The following DCUN1D3 variants were observed in gnomAD, a reference collection of about 807,000 sequenced individuals.
DCUN1D3 encodes defective in cullin neddylation 1 domain containing 3, also known as DCN1-like protein 3.
A neutral mutation model predicts 24.8 loss-of-function variants in DCUN1D3; 6 were observed. The observed-to-expected ratio is 0.24, with a 90% confidence interval of 0.13 to 0.48. The LOEUF is 0.48. Among genes scored for constraint, DCUN1D3 ranks in the 20% least tolerant of loss-of-function variants. The pLI, the probability that DCUN1D3 is intolerant of heterozygous loss-of-function variation, is 0.99. For missense variants in DCUN1D3, 258 were observed against 379.4 expected (o/e 0.68, Z 2.66); for synonymous variants, 120 against 144.9 (o/e 0.83, Z 1.24).
Position 20,858,304 on chromosome 16 carries a change from G to A in DCUN1D3, c.*1582C>T, listed in dbSNP as rs561552421. 3.9e-5 allele frequency: 6 copies of A among 152,586 alleles called. No individual in the cohort carries two copies. The highest frequency in any genetic ancestry group is 7.3e-5 in the Non-Finnish European group (5 of 68,048). 9.5% of individuals were successfully genotyped at this position (152,586 alleles called of 1,614,324 possible). A position where few individuals can be genotyped will look rare whatever the true frequency, so the allele number is the denominator to read the frequency against. On this transcript the variant is annotated 3_prime_UTR_variant, in exon 3 of 3. Coordinates refer to ENST00000324344, the MANE Select transcript of DCUN1D3 (RefSeq NM_173475.4). ...CAAAGCTGGCCTTTATGGAGCCAGC[G>A]CGTGGAGAAGTCTGGGGAACCGGGG... is the stretch of plus-strand genomic sequence containing the variant.
In DCUN1D3 at chr16:20,899,419, A is replaced by G. The variant is rs144698554; in HGVS notation, c.-106+785T>C. 8.0e-3 allele frequency among the ~76,000 whole-genome samples: 1,226 copies of G among 152,370 alleles called. 8 individuals are homozygous for G. Among genetic ancestry groups the G allele is most frequent in the Middle Eastern group, 0.024 (7 of 294 alleles). ...AATCGGAGCGTAAGAGGTACTCCCA[A>G]CGTGACAGCCTGTATGAAGTATTAC... is the stretch of plus-strand genomic sequence containing the variant. On this transcript the variant is annotated intron_variant, in intron 1 of 2. Transcript: ENST00000324344.
At chr16:20,863,462 C>T (rs372203163) in intron 1 of DCUN1D3, among the ~76,000 whole-genome samples, 4 of 152,128 alleles carry the variant, frequency 2.6e-5, no homozygotes, top group Middle Eastern at 3.2e-3. Context: ...GGACTGGGGC[C>T]GGTTGCAGTG....
At chr16:20,880,584 GA>G (rs1201088637) in intron 1 of DCUN1D3, among the ~76,000 whole-genome samples, 5 of 102,772 alleles carry the variant, frequency 4.9e-5, no homozygotes, top group South Asian at 7.1e-4. Context: ...CAGCCAGGGT[GA>G]CAGAGTAAGA....
chr16:20,874,337 G>A (rs2081803771), intron 1 of DCUN1D3, among the ~76,000 whole-genome samples: 1 of 152,178 alleles, frequency 6.6e-6, no homozygotes, highest in Non-Finnish European at 1.5e-5. Flanking sequence ...TTAAAAGATG[G>A]TATGACTAAC....
At chr16:20,879,737 C>T (rs2081833594) in intron 1 of DCUN1D3, among the ~76,000 whole-genome samples, 1 of 152,174 alleles carries the variant, frequency 6.6e-6, no homozygotes, top group African/African-American at 2.4e-5. Context: ...TAAAGACCTC[C>T]CCAAAGGATT....
chr16:20,862,309 C>T lies in DCUN1D3; in HGVS notation c.230G>A (p.Arg77Lys). The T allele has an allele frequency of 6.2e-7, 1 of 1,614,232 alleles. No homozygotes were observed. Among genetic ancestry groups the T allele is most frequent in the South Asian group, 1.1e-5 (1 of 91,086 alleles). ...QLPTSSGDAG[R>K]ESKSNAEESS... ...CTCCTCGGCATTGGACTTGGACTCC[C>T]TCCCAGCATCTCCCGAGGACGTTGG... is the stretch of plus-strand genomic sequence containing the variant. Residue 77 changes from arginine (R) to lysine (K), a missense_variant, in exon 2 of 3, where the codon AGG becomes AAG. Transcript: ENST00000324344.
chr16:20,882,682 TG>T (rs1456992274), intron 1 of DCUN1D3, among the ~76,000 whole-genome samples: 2 of 152,228 alleles, frequency 1.3e-5, no homozygotes, highest in Non-Finnish European at 2.9e-5. Flanking sequence ...TAAAAATTAT[TG>T]GAACAAGTAG....
intron 1 of DCUN1D3, among the ~76,000 whole-genome samples, chr16:20,892,609 TG>T: frequency 6.6e-6 from 1 of 152,334 alleles, no homozygotes; most frequent in Non-Finnish European, 1.5e-5. Flanking sequence ...GTTCTGTCCA[TG>T]GATCCACCTG....
At chr16:20,888,061 C>T (rs1029985071) in intron 1 of DCUN1D3, among the ~76,000 whole-genome samples, 4 of 152,128 alleles carry the variant, frequency 2.6e-5, no homozygotes, top group Admixed American at 2.0e-4. Context: ...TCAAATGATA[C>T]ATAACTTGTG....
intron 1 of DCUN1D3, among the ~76,000 whole-genome samples, chr16:20,863,603 G>T (rs2081744735): frequency 6.6e-6 from 1 of 152,116 alleles, no homozygotes; most frequent in African/African-American, 2.4e-5. Flanking sequence ...AAAATTAGTT[G>T]GGTGTGGTGA....
intron 1 of DCUN1D3, among the ~76,000 whole-genome samples, chr16:20,885,157 G>A (rs2081862805): frequency 6.6e-6 from 1 of 151,924 alleles, no homozygotes; most frequent in African/African-American, 2.4e-5. Flanking sequence ...TGTATTTTTA[G>A]TAGAGACATG....
At chr16:20,898,651 A>G (rs1402288447) in intron 1 of DCUN1D3, among the ~76,000 whole-genome samples, 1 of 152,228 alleles carries the variant, frequency 6.6e-6, no homozygotes, top group African/African-American at 2.4e-5. Flanking sequence ...AAAGCCCTGA[A>G]TAGGACTTCC....
intron 1 of DCUN1D3, among the ~76,000 whole-genome samples, chr16:20,880,323 A>G (rs2081836556): frequency 6.6e-6 from 1 of 152,178 alleles, no homozygotes; most frequent in South Asian, 2.1e-4. Flanking sequence ...AACTTGGCAT[A>G]ATGCGAAGGC....
intron 1 of DCUN1D3, among the ~76,000 whole-genome samples, chr16:20,865,069 A>G (rs2152516331): frequency 6.6e-6 from 1 of 152,222 alleles, no homozygotes; most frequent in East Asian, 1.9e-4. Context: ...TGATGAAATA[A>G]TATGTACAAC....
At chr16:20,874,481 AC>A (rs1555497041) in intron 1 of DCUN1D3, among the ~76,000 whole-genome samples, 1 of 152,146 alleles carries the variant, frequency 6.6e-6, no homozygotes, top group Non-Finnish European at 1.5e-5. Context: ...CCAAAGAGGA[AC>A]CCCGTCCCAG....
chr16:20,867,202 T>G (rs1596630614), intron 1 of DCUN1D3, among the ~76,000 whole-genome samples: 1 of 152,252 alleles, frequency 6.6e-6, no homozygotes, highest in East Asian at 1.9e-4. Context: ...CCATGACATT[T>G]ACCCCTAGGC....
Position 20,882,781 on chromosome 16 carries a change from C to T in DCUN1D3, c.-106+17423G>A, listed in dbSNP as rs1305270703. Among the ~76,000 whole-genome samples the T allele has an allele frequency of 2.6e-5, 4 of 152,194 alleles. No individual in the cohort carries two copies. The South Asian group carries it at 8.3e-4, about 31-fold the overall frequency. ...CTTTCAGAAAAATTCAGAATACATA[C>T]GCTTCACTTTGAATACAACCATGAA... On this transcript the variant is annotated intron_variant, in intron 1 of 2. Transcript: ENST00000324344.
intron 1 of DCUN1D3, chr16:20,869,128 C>T (rs926754656): frequency 2.0e-4 from 30 of 152,382 alleles, no homozygotes; most frequent in African/African-American, 7.0e-4. Context: ...AAGGGCAATC[C>T]CAGAGGCTGC....
intron 1 of DCUN1D3, among the ~76,000 whole-genome samples, chr16:20,887,116 C>G (rs1459775016): frequency 6.6e-6 from 1 of 152,120 alleles, no homozygotes; most frequent in African/African-American, 2.4e-5. Context: ...GAGTTCAAGA[C>G]CAGCCTGGCC....
Sources: gnomAD v4.1 joint callset for allele counts (sites outside exome capture counted in the v4.1 genomes callset) on GRCh38, gnomAD v4.1.1 for gene constraint, MANE v1.5 for transcripts, NCBI Gene and HGNC (gene_info 2026-07-23, HGNC 2026-07-21) for gene names.